Variants in SMYD3 observed in about 807,000 individuals in gnomAD.
SMYD3 encodes the protein histone-lysine N-methyltransferase SMYD3.
SMYD3 carries 36 observed loss-of-function variants against 57.7 expected under a neutral mutation model. The ratio of observed to expected loss-of-function variants is 0.62; its 90% CI spans 0.48 to 0.82. The LOEUF is 0.82. Ranked by LOEUF, SMYD3 falls within the 40% of genes least tolerant of loss-of-function variation. The pLI, the probability that SMYD3 is intolerant of heterozygous loss-of-function variation, is 0.00. For missense variants in SMYD3, 515 were observed against 538.8 expected, an observed-to-expected ratio of 0.96 and a Z score of 0.44; for synonymous variants, 211 against 195.0, an observed-to-expected ratio of 1.08 and a Z score of -0.68.
At chr1:246,205,693 G>A (rs1035553242) in intron 5 of SMYD3, among the ~76,000 whole-genome samples, 7 of 152,168 alleles carry the variant, frequency 4.6e-5, no homozygotes, top group South Asian at 4.1e-4. Flanking sequence ...GGTGGCGAGC[G>A]CCTGTAGTCC....
At chr1:245,836,042 CAACTCCT>C (rs2050090911) in intron 10 of SMYD3, among the ~76,000 whole-genome samples, 1 of 152,164 alleles carries the variant, frequency 6.6e-6, no homozygotes, top group African/African-American at 2.4e-5. Flanking sequence ...CCTCAACTCC[CAACTCCT>C]ACCAAACATT....
intron 8 of SMYD3, among the ~76,000 whole-genome samples, chr1:245,890,231 G>T (rs1030851973): frequency 1.3e-5 from 2 of 152,062 alleles, no homozygotes; most frequent in African/African-American, 4.8e-5. Context: ...ATGGACAAAT[G>T]GGATCACATC....
intron 5 of SMYD3, chr1:245,947,372 AAAGT>A (rs749365270): frequency 4.4e-5 from 20 of 457,130 alleles, no homozygotes; most frequent in African/African-American, 2.6e-4. Flanking sequence ...ACAGAATAGA[AAAGT>A]AAGCTTCCTT....
intron 5 of SMYD3, among the ~76,000 whole-genome samples, chr1:246,171,388 T>C (rs933845378): frequency 1.3e-5 from 2 of 152,186 alleles, no homozygotes; most frequent in African/African-American, 4.8e-5. Flanking sequence ...GATCATTCTT[T>C]TTCCAGAGGG....
At chr1:246,503,186 C>A (rs2068483532) in intron 1 of SMYD3, among the ~76,000 whole-genome samples, 1 of 152,174 alleles carries the variant, frequency 6.6e-6, no homozygotes, top group South Asian at 2.1e-4. Context: ...CCTCTGTCCC[C>A]CCGCTGCCCA....
intron 5 of SMYD3, among the ~76,000 whole-genome samples, chr1:246,324,371 C>T (rs2065302853): frequency 1.4e-5 from 2 of 146,902 alleles, no homozygotes; most frequent in Non-Finnish European, 3.0e-5. Context: ...GCCGATGTTG[C>T]GCCACTGCAC....
At chr1:245,958,742 G>C (rs7535212) in intron 5 of SMYD3, among the ~76,000 whole-genome samples, 19,715 of 152,180 alleles carry the variant, frequency 0.13, 1,312 homozygotes, top group South Asian at 0.23. Flanking sequence ...ATAGTACAGT[G>C]ACTGACACAT....
chr1:245,910,139 G>A (rs2054861638), intron 8 of SMYD3, among the ~76,000 whole-genome samples: 1 of 152,044 alleles, frequency 6.6e-6, no homozygotes, highest in African/African-American at 2.4e-5. Flanking sequence ...ACAAAAATCA[G>A]TAGCATTTCT....
chr1:245,816,608 G>A (rs1447224920), intron 10 of SMYD3, among the ~76,000 whole-genome samples: 4 of 151,516 alleles, frequency 2.6e-5, no homozygotes, highest in African/African-American at 4.8e-5. Flanking sequence ...CATAGAAGAC[G>A]GTGATTTCTG....
intron 7 of SMYD3, among the ~76,000 whole-genome samples, chr1:245,925,189 C>A (rs905960850): frequency 6.6e-5 from 10 of 151,872 alleles, no homozygotes; most frequent in African/African-American, 2.2e-4. Flanking sequence ...AAATTTTTTC[C>A]CAAGGAATTT....
intron 5 of SMYD3, among the ~76,000 whole-genome samples, chr1:246,273,130 G>GTT (rs1229300238): frequency 3.1e-5 from 2 of 63,588 alleles, no homozygotes; most frequent in Non-Finnish European, 5.6e-5. Flanking sequence ...TAATGTCCCT[G>GTT]TTTTCTTTTT....
intron 1 of SMYD3, among the ~76,000 whole-genome samples, chr1:246,394,938 C>A (rs10924718): frequency 0.055 from 8,337 of 151,674 alleles, 392 homozygotes; most frequent in African/African-American, 0.12. Flanking sequence ...CCGAACTTAG[C>A]TACACTTTAT....
At chr1:245,915,266 T>C (rs1156785839) in intron 8 of SMYD3, among the ~76,000 whole-genome samples, 1 of 152,238 alleles carries the variant, frequency 6.6e-6, no homozygotes, top group African/African-American at 2.4e-5. Flanking sequence ...ATCCTTTTAA[T>C]TAAATATTTA....
At chr1:246,391,396 GAGAGAGAGAGAAAGAGAGAGAAAA>G (rs1007260648) in intron 1 of SMYD3, among the ~76,000 whole-genome samples, 6 of 66,026 alleles carry the variant, frequency 9.1e-5, no homozygotes, top group Non-Finnish European at 1.9e-4. Flanking sequence ...GAGAGAGAAA[GAGAGAGAGAGAAAGAGAGAGAAAA>G]AGAGAGAGAG....
At chr1:245,793,149 A>G (rs1377210353) in intron 10 of SMYD3, among the ~76,000 whole-genome samples, 1 of 148,744 alleles carries the variant, frequency 6.7e-6, no homozygotes, top group Non-Finnish European at 1.5e-5. Flanking sequence ...CTCTACTAAA[A>G]ATACAAAAAA....
intron 5 of SMYD3, among the ~76,000 whole-genome samples, chr1:246,122,385 C>T (rs2061437778): frequency 6.6e-6 from 1 of 152,200 alleles, no homozygotes; most frequent in Non-Finnish European, 1.5e-5. Context: ...CACCACTGCA[C>T]TCCAGCCTAA....
At chr1:246,498,114 G>A (rs377473963) in intron 1 of SMYD3, among the ~76,000 whole-genome samples, 75 of 152,232 alleles carry the variant, frequency 4.9e-4, no homozygotes, top group African/African-American at 1.8e-3. Flanking sequence ...ATCATTAGTG[G>A]GAATGCAAAA....
intron 5 of SMYD3, among the ~76,000 whole-genome samples, chr1:246,040,400 G>A (rs540808688): frequency 2.6e-5 from 4 of 152,144 alleles, no homozygotes; most frequent in Non-Finnish European, 4.4e-5. Flanking sequence ...TTTTTCTCAC[G>A]AAAATGTGAC....
rs979071925 is a variant in SMYD3, at chr1:246,355,187, C to T, written c.165-93G>A. 2.8e-5 allele frequency: 35 copies of T among 1,255,564 alleles called. No individual in the cohort carries two copies. The highest frequency in any genetic ancestry group is 3.8e-5 in the Non-Finnish European group (33 of 862,406). The allele number at this position is 1,255,564 out of a possible 1,614,324, so 77.8% of individuals were successfully genotyped here. On this transcript the variant is annotated intron_variant, in intron 1 of 11. Transcript: ENST00000490107. The surrounding 1 kb of genome is among the most constrained non-coding windows in gnomAD (Gnocchi z 5.0). ...AAAACATAAGTCAACATACGGACAC[C>T]CGTATGTTCTGTTTACTCCATTATG... is the stretch of plus-strand genomic sequence containing the variant.
Sources: gnomAD v4.1 joint callset for allele counts (sites outside exome capture counted in the v4.1 genomes callset) on GRCh38, gnomAD v4.1.1 for gene constraint, Gnocchi (gnomAD v3.1) non-coding constraint, MANE v1.5 for transcripts, NCBI Gene and HGNC (gene_info 2026-07-23, HGNC 2026-07-21) for gene names.